The following AUTS2 variants were observed in gnomAD, a reference collection of about 807,000 sequenced individuals.
AUTS2 encodes autism susceptibility gene 2 protein.
Under a neutral mutation model 112.4 loss-of-function variants are expected in AUTS2, and 17 were observed. That is an observed-to-expected ratio of 0.15 (90% CI 0.10 to 0.23). AUTS2 has a LOEUF of 0.23. Ranked by LOEUF, AUTS2 falls within the 10% of genes least tolerant of loss-of-function variation. The pLI is 1.00. For synonymous variants in AUTS2, 751 were observed against 702.7 expected (o/e 1.07, Z -1.09); for missense variants, 1,510 against 1,701.6 (o/e 0.89, Z 1.98).
At chr7:70,402,654 G>A (rs2130201930) in intron 4 of AUTS2, among the ~76,000 whole-genome samples, 1 of 152,278 alleles carries the variant, frequency 6.6e-6, no homozygotes, top group South Asian at 2.1e-4. Context: ...ACTTGGGGAT[G>A]GGCGTGGGTT....
intron 5 of AUTS2, among the ~76,000 whole-genome samples, chr7:70,628,332 AT>A (rs1805064943): frequency 6.8e-6 from 1 of 147,454 alleles, no homozygotes; most frequent in African/African-American, 2.5e-5. Context: ...ATATATACAT[AT>A]ATATATAGTA....
intron 5 of AUTS2, among the ~76,000 whole-genome samples, chr7:70,484,107 GA>G (rs1316724727): frequency 8.5e-5 from 13 of 152,134 alleles, no homozygotes; most frequent in South Asian, 4.1e-4. Context: ...ATCTCCTAAT[GA>G]TACTTCTACA....
At chr7:69,827,387 C>G (rs891862875) in intron 1 of AUTS2, among the ~76,000 whole-genome samples, 2 of 151,936 alleles carry the variant, frequency 1.3e-5, no homozygotes, top group African/African-American at 4.8e-5. Flanking sequence ...TACCTCCATC[C>G]AGGATGCACT....
At chr7:70,350,664 G>C (rs1791708038) in intron 4 of AUTS2, among the ~76,000 whole-genome samples, 1 of 151,938 alleles carries the variant, frequency 6.6e-6, no homozygotes, top group Non-Finnish European at 1.5e-5. Context: ...ATTTGGGTGG[G>C]GACACAGCCA....
chr7:69,931,490 A>G (rs2129543961), intron 2 of AUTS2, among the ~76,000 whole-genome samples: 1 of 152,296 alleles, frequency 6.6e-6, no homozygotes, highest in Middle Eastern at 3.4e-3. Flanking sequence ...TTGTTTTGCC[A>G]TTGATCAGAA....
intron 4 of AUTS2, among the ~76,000 whole-genome samples, chr7:70,203,236 C>G (rs1178323780): frequency 8.5e-6 from 1 of 118,028 alleles, no homozygotes; most frequent in Non-Finnish European, 1.7e-5. Flanking sequence ...GGAGATATAC[C>G]TAATGCTAGA....
intron 1 of AUTS2, among the ~76,000 whole-genome samples, chr7:69,773,525 G>A (rs541282460): frequency 7.9e-5 from 12 of 151,398 alleles, no homozygotes; most frequent in African/African-American, 2.9e-4. Flanking sequence ...GGGAAAGGGT[G>A]GGCTACAACA....
intron 1 of AUTS2, among the ~76,000 whole-genome samples, chr7:69,775,309 G>A (rs533836773): frequency 4.2e-4 from 64 of 152,308 alleles, no homozygotes; most frequent in East Asian, 2.5e-3. Flanking sequence ...GTCCCAGGGC[G>A]TGGTGCTTTC....
At chr7:70,056,886 G>A (rs1802017655) in intron 2 of AUTS2, among the ~76,000 whole-genome samples, 1 of 152,124 alleles carries the variant, frequency 6.6e-6, no homozygotes, top group African/African-American at 2.4e-5. Context: ...CTGAGAATAG[G>A]GGTTAGGGCT....
rs867019154 is a variant in AUTS2 at position 69,911,662 on chromosome 7, C to T, written c.522+12164C>T. ...GAGTGTCCAGCTCTCAGTGGAGAGGCGAGCCGCAGTGGTAGCTCCTTTCTG... is the reference window on the plus strand; with the variant it reads ...GAGTGTCCAGCTCTCAGTGGAGAGGTGAGCCGCAGTGGTAGCTCCTTTCTG... On this transcript the variant is annotated intron_variant, in intron 2 of 18. Transcript: ENST00000342771. Among the ~76,000 whole-genome samples, 16 of 152,196 alleles carry T rather than the reference C, an allele frequency of 1.1e-4. No homozygotes were observed. The South Asian group carries it at 1.2e-3, about 12-fold the overall frequency.
chr7:69,786,980 G>T (rs1390733116), intron 1 of AUTS2, among the ~76,000 whole-genome samples: 7 of 152,192 alleles, frequency 4.6e-5, no homozygotes, highest in African/African-American at 1.7e-4. Context: ...AAGCCTATCA[G>T]TTGAGGTTTG....
At chr7:69,999,059 T>C (rs1252171244) in intron 2 of AUTS2, among the ~76,000 whole-genome samples, 2 of 152,208 alleles carry the variant, frequency 1.3e-5, no homozygotes, top group Non-Finnish European at 2.9e-5. Context: ...AGAAGTTTTC[T>C]CTGCAATATG....
At chr7:70,268,085 T>G (rs1787521183) in intron 4 of AUTS2, among the ~76,000 whole-genome samples, 1 of 152,230 alleles carries the variant, frequency 6.6e-6, no homozygotes, top group South Asian at 2.1e-4. Context: ...TGCTGGGAAC[T>G]TCAGTATCAA....
At chr7:70,336,600 A>G (rs1490732315) in intron 4 of AUTS2, among the ~76,000 whole-genome samples, 1 of 152,124 alleles carries the variant, frequency 6.6e-6, no homozygotes, top group Non-Finnish European at 1.5e-5. Context: ...AATTATATCA[A>G]TTAGCTATGA....
At chr7:70,120,658 A>G (rs1805634767) in intron 3 of AUTS2, among the ~76,000 whole-genome samples, 1 of 152,168 alleles carries the variant, frequency 6.6e-6, no homozygotes, top group Non-Finnish European at 1.5e-5. Flanking sequence ...TAGAGCTGCC[A>G]TTGGATCTTT....
In AUTS2 at chr7:69,870,255, C is replaced by CG. The variant is rs753911710; in HGVS notation, c.310-29026dup. On this transcript the variant is annotated intron_variant, in intron 1 of 18. Transcript: ENST00000342771. The stretch of plus-strand genomic sequence containing the variant: ...TTACCTTTTAACATATTAGTAAGAC[C>CG]GGGGGAATTTGTTCACTTTTTTCCT... 7.3e-5 allele frequency among the ~76,000 whole-genome samples: 11 copies of CG among 151,184 alleles called. No homozygotes were observed. The South Asian group carries it at 2.3e-3, about 32-fold the overall frequency.
intron 2 of AUTS2, among the ~76,000 whole-genome samples, chr7:70,003,911 G>A (rs1233241737): frequency 1.2e-5 from 1 of 81,416 alleles, no homozygotes; most frequent in African/African-American, 6.0e-5. Flanking sequence ...ATATATGAAT[G>A]TGTTATATAT....
At position 70,564,865 on chromosome 7, in the gene AUTS2, C is replaced by T. The variant is rs528358930; in HGVS notation, c.690+129084C>T. Among the ~76,000 whole-genome samples, 7 of 152,074 alleles carry T rather than the reference C, an allele frequency of 4.6e-5. No homozygotes were observed. The East Asian group carries it at 1.2e-3, about 25-fold the overall frequency. ...CTGTAATCCCAGCACTTTGGGAGGC[C>T]GAGGCGGATGGATCACAAGGTCAGG... On this transcript the variant is annotated intron_variant, in intron 5 of 18. Transcript: ENST00000342771.
At chr7:70,641,731 A>G (rs937915449) in intron 5 of AUTS2, among the ~76,000 whole-genome samples, 4 of 152,130 alleles carry the variant, frequency 2.6e-5, no homozygotes, top group African/African-American at 9.7e-5. Context: ...ACCCAGCCTC[A>G]TGTGCCTGAT....
Sources: allele counts gnomAD v4.1 joint callset (sites outside exome capture counted in the v4.1 genomes callset), GRCh38; gene constraint gnomAD v4.1.1; transcripts MANE v1.5; gene names NCBI Gene and HGNC (gene_info 2026-07-23, HGNC 2026-07-21).